Variants in PPP1R1C observed in about 807,000 individuals in gnomAD.
PPP1R1C encodes protein phosphatase 1 regulatory subunit 1C.
PPP1R1C carries 15 observed loss-of-function variants against 17.4 expected under a neutral mutation model. That is an observed-to-expected ratio of 0.86 (90% confidence interval 0.58 to 1.33). The LOEUF is 1.33. PPP1R1C is among the 40% of genes most tolerant of loss of function. The pLI is 0.00. For missense variants in PPP1R1C, 143 were observed against 130.0 expected (o/e 1.10, Z -0.48); for synonymous variants, 35 against 43.1 (o/e 0.81, Z 0.73).
At chr2:182,035,872 A>C (rs1175313830) in intron 2 of PPP1R1C, among the ~76,000 whole-genome samples, 1 of 152,184 alleles carries the variant, frequency 6.6e-6, no homozygotes, top group East Asian at 1.9e-4. Context: ...TATTCTTGCT[A>C]CCAATTCTAA....
At chr2:182,077,157 A>G (rs1404030437) in intron 4 of PPP1R1C, among the ~76,000 whole-genome samples, 1 of 152,198 alleles carries the variant, frequency 6.6e-6, no homozygotes, top group East Asian at 1.9e-4. Context: ...TTATGACCTC[A>G]AAGAACCTCA....
chr2:181,963,551 A>G (rs1413498958), intron 1 of PPP1R1C, among the ~76,000 whole-genome samples: 1 of 152,142 alleles, frequency 6.6e-6, no homozygotes, highest in Non-Finnish European at 1.5e-5. Context: ...CAGCAGGAGA[A>G]TTGCTTCAAC....
At chr2:182,131,261 CAT>C (rs1412122288), downstream of PPP1R1C, 1 of 151,560 alleles carries the variant, frequency 6.6e-6, no homozygotes, top group Non-Finnish European at 1.5e-5. Context: ...TCTATATACA[CAT>C]GTATGTGTAT....
chr2:181,986,118 C>T lies in PPP1R1C; in HGVS notation c.8C>T (p.Pro3Leu). ME[P>L]NSPKKIQFAV... ...CTAATTATCATCATTACCATGGAGC[C>T]CAACAGTCCCAAAAAGATACAGTTT... The change falls in exon 1 of 5, where the codon CCC becomes CTC. Residue 3 changes from proline (P) to leucine (L), a missense_variant. Coordinates refer to ENST00000682840, the MANE Select transcript of PPP1R1C (RefSeq NM_001080545.3). 1 of 1,613,294 alleles carries T rather than the reference C, an allele frequency of 6.2e-7. No individual in the cohort carries two copies. The highest frequency in any genetic ancestry group is 8.5e-7 in the Non-Finnish European group (1 of 1,179,330).
At chr2:182,001,524 T>C (rs1685767590) in intron 2 of PPP1R1C, among the ~76,000 whole-genome samples, 1 of 152,146 alleles carries the variant, frequency 6.6e-6, no homozygotes, top group Non-Finnish European at 1.5e-5. Context: ...ATAGTAACCA[T>C]CTCTGTCCTA....
chr2:182,086,571 C>T (rs1688636469), intron 4 of PPP1R1C, among the ~76,000 whole-genome samples: 1 of 152,046 alleles, frequency 6.6e-6, no homozygotes, highest in African/African-American at 2.4e-5. Context: ...GTGAAAAAAG[C>T]TGGATTCATA....
At chr2:181,987,749 G>A (rs955270266) in intron 1 of PPP1R1C, 90 bp from the exon 2 acceptor site, 46 of 1,324,574 alleles carry the variant, frequency 3.5e-5, no homozygotes, top group Non-Finnish European at 4.9e-5. Context: ...GTGGGGAAAA[G>A]ATGAGGGTGA....
chr2:182,066,706 C>T (rs987184314), intron 4 of PPP1R1C, among the ~76,000 whole-genome samples: 6 of 152,010 alleles, frequency 3.9e-5, no homozygotes, highest in Admixed American at 2.0e-4. Flanking sequence ...CAGACTTTTT[C>T]ATTATCTTGT....
At chr2:181,985,252 G>C (rs1685267953), upstream of PPP1R1C, among the ~76,000 whole-genome samples, 1 of 152,178 alleles carries the variant, frequency 6.6e-6, no homozygotes, top group African/African-American at 2.4e-5. The surrounding 1 kb of genome is among the most constrained non-coding windows in gnomAD (Gnocchi z 4.1). Flanking sequence ...TGCAATTTTA[G>C]AATGTTGGAA....
chr2:182,068,994 G>A (rs576636749), intron 4 of PPP1R1C, among the ~76,000 whole-genome samples: 18 of 152,204 alleles, frequency 1.2e-4, no homozygotes, highest in Admixed American at 3.3e-4. Context: ...ATTACCCGTC[G>A]CACATTGAAA....
At chr2:182,110,262 T>C (rs577058065) in intron 4 of PPP1R1C, among the ~76,000 whole-genome samples, 7 of 149,528 alleles carry the variant, frequency 4.7e-5, no homozygotes, top group Non-Finnish European at 8.9e-5. Flanking sequence ...AAAATAAAAT[T>C]TAATAAGGTT....
chr2:182,122,013 T>C (rs143566993), downstream of PPP1R1C, among the ~76,000 whole-genome samples: 46 of 152,318 alleles, frequency 3.0e-4, no homozygotes, highest in African/African-American at 1.0e-3. Context: ...CCACTCACTT[T>C]TGGATCCTGT....
rs77361162 is a variant in PPP1R1C at position 182,044,126 on chromosome 2, A to G, written c.143-17316A>G. Among the ~76,000 whole-genome samples, 208 of 152,258 alleles carry G rather than the reference A, an allele frequency of 1.4e-3. 5 individuals are homozygous for G. The East Asian group carries it at 0.034, about 25-fold the overall frequency. On this transcript the variant is annotated intron_variant, in intron 2 of 4. Transcript: ENST00000682840. ...TTCCACCTTCATCATCCATCACCTG[A>G]ATAACTGCAATGTCTTCCTAACTGA...
At chr2:182,039,365 G>C (rs766568068) in intron 2 of PPP1R1C, among the ~76,000 whole-genome samples, 1 of 151,892 alleles carries the variant, frequency 6.6e-6, no homozygotes, top group African/African-American at 2.4e-5. Flanking sequence ...AGTATAAGTG[G>C]GTTTTGGGTT....
intron 4 of PPP1R1C, among the ~76,000 whole-genome samples, chr2:182,094,773 C>T (rs1241863139): frequency 6.6e-6 from 1 of 152,178 alleles, no homozygotes; most frequent in Non-Finnish European, 1.5e-5. Flanking sequence ...ATATATATAA[C>T]TCCCACATGC....
chr2:182,093,038 G>A (rs114249453), intron 4 of PPP1R1C, among the ~76,000 whole-genome samples: 1,556 of 152,266 alleles, frequency 0.01, 16 homozygotes, highest in Middle Eastern at 0.024. Context: ...TTTCCCCTCT[G>A]CACTGCCGCA....
At chr2:182,100,467 G>A (rs554685393) in intron 4 of PPP1R1C, among the ~76,000 whole-genome samples, 2 of 149,742 alleles carry the variant, frequency 1.3e-5, no homozygotes, top group African/African-American at 4.9e-5. Flanking sequence ...CCGAGATCTC[G>A]CCACTGCACT....
At position 181,957,220 on chromosome 2, in the gene PPP1R1C, C is replaced by T. The variant is rs1231910187; in HGVS notation, n.111+2586C>T. On this transcript the variant is annotated intron_variant and non_coding_transcript_variant, in intron 1 of 5. Coordinates refer to the PPP1R1C transcript ENST00000464264. This position sits in a 1 kb window ranked among gnomAD's most constrained non-coding sequence, Gnocchi z 4.2. ...ACCAAAAATACAAAAATTAGCCAGGCATGGTAGTGCACCCCTGTAATCCCA... is the reference window on the plus strand; with the variant it reads ...ACCAAAAATACAAAAATTAGCCAGGTATGGTAGTGCACCCCTGTAATCCCA... Among the ~76,000 whole-genome samples, 2 of 152,136 alleles carry T rather than the reference C, an allele frequency of 1.3e-5. No individual in the cohort carries two copies. Among genetic ancestry groups the T allele is most frequent in the Non-Finnish European group, 2.9e-5 (2 of 68,026 alleles).
Position 181,985,872 on chromosome 2 carries a change from T to G in PPP1R1C, c.-239T>G. 1.7e-6 allele frequency: 1 copy of G among 584,134 alleles called. No homozygotes were observed. 36.2% of individuals were successfully genotyped at this position (584,134 alleles called of 1,614,324 possible). On this transcript the variant is annotated 5_prime_UTR_variant, in exon 1 of 5. Transcript: ENST00000682840. The surrounding 1 kb of genome is among the most constrained non-coding windows in gnomAD (Gnocchi z 4.1). ...TAGCGTATTGTTCCTTTCTGTATTGTGCTGAGAGGATCCAAGGGATTGGTG... is the reference window on the plus strand; with the variant it reads ...TAGCGTATTGTTCCTTTCTGTATTGGGCTGAGAGGATCCAAGGGATTGGTG...
Sources: gnomAD v4.1 joint callset for allele counts (sites outside exome capture counted in the v4.1 genomes callset) on GRCh38, gnomAD v4.1.1 for gene constraint, Gnocchi (gnomAD v3.1) non-coding constraint, MANE v1.5 for transcripts, NCBI Gene and HGNC (gene_info 2026-07-23, HGNC 2026-07-21) for gene names.